Variants in PCDHGA11 observed in about 807,000 individuals in gnomAD.
PCDHGA11 encodes protocadherin gamma subfamily A, 11.
Under a neutral mutation model 60.4 loss-of-function variants are expected in PCDHGA11, and 39 were observed. That is an observed-to-expected ratio of 0.65 (90% confidence interval 0.50 to 0.84). The LOEUF is 0.84. Ranked by LOEUF, PCDHGA11 falls within the 40% of genes least tolerant of loss-of-function variation. The pLI, the probability that PCDHGA11 is intolerant of heterozygous loss-of-function variation, is 0.00. For missense variants in PCDHGA11, 1,165 were observed against 1,197.7 expected (o/e 0.97, Z 0.40); for synonymous variants, 533 against 510.3 (o/e 1.04, Z -0.60).
intron 3 of PCDHGA11, among the ~76,000 whole-genome samples, chr5:141,505,698 G>A (rs1041309644): frequency 2.0e-5 from 3 of 152,280 alleles, no homozygotes; most frequent in Admixed American, 6.5e-5. Context: ...GGAGGAGAGC[G>A]AACAAGGAAA....
At chr5:141,449,021 C>T (rs897401758) in intron 1 of PCDHGA11, among the ~76,000 whole-genome samples, 3 of 152,104 alleles carry the variant, frequency 2.0e-5, no homozygotes, top group Non-Finnish European at 4.4e-5. Context: ...AGTTGCTTAG[C>T]ATTCCTTTGG....
chr5:141,431,932 C>T lies in PCDHGA11; in HGVS notation c.2433+8272C>T. 2 of 1,614,172 alleles carry T rather than the reference C, an allele frequency of 1.2e-6. No individual in the cohort carries two copies. The highest frequency in any genetic ancestry group is 1.7e-6 in the Non-Finnish European group (2 of 1,180,002). On this transcript the variant is annotated intron_variant, in intron 1 of 3. Coordinates refer to ENST00000398587, the MANE Select transcript of PCDHGA11 (RefSeq NM_018914.3). This position sits in a 1 kb window ranked among gnomAD's most constrained non-coding sequence, Gnocchi z 4.8. The stretch of plus-strand genomic sequence containing the variant: ...TCTGTTTCATCCAAGGAAATCTGCC[C>T]TTTAAATTAGAAAAATCTTACGGAA...
chr5:141,431,032 C>T lies in PCDHGA11; in HGVS notation c.2433+7372C>T. 1 of 1,614,008 alleles carries T rather than the reference C, an allele frequency of 6.2e-7. No individual in the cohort carries two copies. The highest frequency in any genetic ancestry group is 2.2e-5 in the East Asian group (1 of 44,848). On this transcript the variant is annotated intron_variant, in intron 1 of 3. Transcript: ENST00000398587. This position sits in a 1 kb window ranked among gnomAD's most constrained non-coding sequence, Gnocchi z 4.8. ...GCTTGGTCACGGCGGGCAGGATAGA[C>T]CGGGAGGAGCTCTGTATGGGGGCCA...
At chr5:141,507,016 G>C (rs913170594) in intron 3 of PCDHGA11, 1 of 152,166 alleles carries the variant, frequency 6.6e-6, no homozygotes, top group African/African-American at 2.4e-5. Context: ...AACCGAGAAG[G>C]CACTTGCCCC....
At chr5:141,474,130 C>T (rs28684928) in intron 1 of PCDHGA11, among the ~76,000 whole-genome samples, 6 of 152,160 alleles carry the variant, frequency 3.9e-5, no homozygotes. Context: ...TCTCAGAAAA[C>T]TACAGGCCTT....
At chr5:141,470,015 G>C (rs999085849) in intron 1 of PCDHGA11, among the ~76,000 whole-genome samples, 1 of 152,130 alleles carries the variant, frequency 6.6e-6, no homozygotes, top group Non-Finnish European at 1.5e-5. Context: ...TGTAATCCCA[G>C]CTACTCGGGA....
chr5:141,494,712 C>T, intron 1 of PCDHGA11, 95 bp from the exon 2 acceptor site: 1 of 1,603,048 alleles, frequency 6.2e-7, no homozygotes, highest in Non-Finnish European at 8.5e-7. Context: ...TCTGTGCCCA[C>T]TCCCCTCCTT....
chr5:141,502,516 A>G (rs947349505), intron 2 of PCDHGA11, among the ~76,000 whole-genome samples: 1 of 152,146 alleles, frequency 6.6e-6, no homozygotes, highest in African/African-American at 2.4e-5. Flanking sequence ...TCCCACTATC[A>G]GTGATGCCGA....
chr5:141,449,147 G>T (rs2098630156), intron 1 of PCDHGA11, among the ~76,000 whole-genome samples: 1 of 152,110 alleles, frequency 6.6e-6, no homozygotes, highest in African/African-American at 2.4e-5. Flanking sequence ...AAATTGCTGG[G>T]TCAAAGAGGA....
At position 141,491,765 on chromosome 5, in the gene PCDHGA11, A is replaced by C; in HGVS notation, c.2434-3042A>C. 1 of 1,569,230 alleles carries C rather than the reference A, an allele frequency of 6.4e-7. No homozygotes were observed. On this transcript the variant is annotated intron_variant, in intron 1 of 3. Coordinates refer to ENST00000398587, the MANE Select transcript of PCDHGA11 (RefSeq NM_018914.3). This position sits in a 1 kb window ranked among gnomAD's most constrained non-coding sequence, Gnocchi z 6.9. The stretch of plus-strand genomic sequence containing the variant: ...GGCACTGGAGAAGCCGCCCGTCCTC[A>C]TAAGGGATTGAACTTGCATCCACTC...
At chr5:141,478,215 T>C (rs764444582) in intron 1 of PCDHGA11, 11 of 1,614,118 alleles carry the variant, frequency 6.8e-6, no homozygotes. Context: ...TCTCTAATCC[T>C]GGTTTCTGTG....
chr5:141,474,499 C>T (rs1480109147), intron 1 of PCDHGA11, among the ~76,000 whole-genome samples: 1 of 152,198 alleles, frequency 6.6e-6, no homozygotes, highest in Non-Finnish European at 1.5e-5. Context: ...TCTTCTAATG[C>T]CTATCAGCCC....
intron 1 of PCDHGA11, among the ~76,000 whole-genome samples, chr5:141,468,782 C>T (rs1280972843): frequency 2.0e-5 from 3 of 151,990 alleles, no homozygotes; most frequent in East Asian, 3.9e-4. Context: ...AGGAGAATGG[C>T]GTGAACCCGG....
intron 1 of PCDHGA11, chr5:141,478,619 A>G: frequency 6.4e-7 from 1 of 1,555,598 alleles, no homozygotes; most frequent in Non-Finnish European, 8.7e-7. Context: ...GAAGGAATGG[A>G]GCTGTTTTTT....
rs754225999 is a variant in PCDHGA11, at chr5:141,489,509, T to C, written c.2434-5298T>C. The C allele has an allele frequency of 1.2e-6, 2 of 1,614,062 alleles. No homozygotes were observed. The highest frequency in any genetic ancestry group is 1.1e-5 in the South Asian group (1 of 91,074). On this transcript the variant is annotated intron_variant, in intron 1 of 3. Coordinates refer to ENST00000398587, the MANE Select transcript of PCDHGA11 (RefSeq NM_018914.3). The surrounding 1 kb of genome is among the most constrained non-coding windows in gnomAD (Gnocchi z 4.5). ...GGTGCCCTGGCAGTGAATCAAAAGA[T>C]TGACCGAGAAAGCCTATGTGGAGCC...
rs372620011 is a variant in PCDHGA11, at chr5:141,422,963, C to A, written c.1736C>A (p.Ala579Glu). ...PTDGSTGVEL[A>E]PRSAEPGYLV... ...GACGGCTCCACTGGCGTGGAGCTGGCGCCCCGCTCTGCGGAACCTGGCTAC... is the reference window on the plus strand; with the variant it reads ...GACGGCTCCACTGGCGTGGAGCTGGAGCCCCGCTCTGCGGAACCTGGCTAC... The change falls in exon 1 of 4, where the codon GCG becomes GAG. Residue 579 changes from alanine (A) to glutamate (E), a missense_variant. Transcript: ENST00000398587. The A allele has an allele frequency of 6.2e-7, 1 of 1,614,120 alleles. No individual in the cohort carries two copies. Among genetic ancestry groups the A allele is most frequent in the Non-Finnish European group, 8.5e-7 (1 of 1,180,050 alleles).
chr5:141,464,583 C>T (rs768431243), intron 1 of PCDHGA11, among the ~76,000 whole-genome samples: 6 of 152,024 alleles, frequency 3.9e-5, no homozygotes, highest in Admixed American at 2.0e-4. Context: ...TGAGAATGTC[C>T]ATTGTCCCAT....
intron 1 of PCDHGA11, among the ~76,000 whole-genome samples, chr5:141,451,073 C>A (rs1346074089): frequency 6.6e-6 from 1 of 151,958 alleles, no homozygotes; most frequent in Non-Finnish European, 1.5e-5. Flanking sequence ...TGTGATCCAC[C>A]CACCTTGACC....
Position 141,432,909 on chromosome 5 carries a change from G to A in PCDHGA11, c.2433+9249G>A, listed in dbSNP as rs773372764. On this transcript the variant is annotated intron_variant, in intron 1 of 3. Coordinates refer to ENST00000398587, the MANE Select transcript of PCDHGA11 (RefSeq NM_018914.3). The surrounding 1 kb of genome is among the most constrained non-coding windows in gnomAD (Gnocchi z 6.0). ...ATCTTGCTGCTGGCGCTCAGGCTGCGGCGCTGGCACAAGTCACGCCTGCTG... is the reference window on the plus strand; with the variant it reads ...ATCTTGCTGCTGGCGCTCAGGCTGCAGCGCTGGCACAAGTCACGCCTGCTG... 9 of 1,614,038 alleles carry A rather than the reference G, an allele frequency of 5.6e-6. No homozygotes were observed. The highest frequency in any genetic ancestry group is 4.5e-5 in the East Asian group (2 of 44,880).
Sources: allele counts gnomAD v4.1 joint callset (sites outside exome capture counted in the v4.1 genomes callset), GRCh38; gene constraint gnomAD v4.1.1; non-coding constraint Gnocchi (gnomAD v3.1); transcripts MANE v1.5; gene names NCBI Gene and HGNC (gene_info 2026-07-23, HGNC 2026-07-21).